The following GRK2 variants were observed in gnomAD, a reference collection of about 807,000 sequenced individuals.
GRK2 encodes the protein adrenergic beta receptor kinase 1.
GRK2 carries 23 observed loss-of-function variants against 97.8 expected under a neutral mutation model. The observed-to-expected ratio is 0.24, with a 90% confidence interval of 0.17 to 0.33. GRK2 has a LOEUF of 0.33. GRK2 is among the 10% of genes least tolerant of loss of function. The pLI is 1.00. For missense variants in GRK2, 633 were observed against 956.9 expected (o/e 0.66, Z 4.47); for synonymous variants, 425 against 381.7 (o/e 1.11, Z -1.32).
At chr11:67,273,794 C>T (rs1194073628) in intron 1 of GRK2, among the ~76,000 whole-genome samples, 1 of 152,078 alleles carries the variant, frequency 6.6e-6, no homozygotes, top group African/African-American at 2.4e-5. Context: ...GAGAGATGGC[C>T]TCAGAGCCCC....
intron 1 of GRK2, 105 bp from the exon 2 acceptor site, chr11:67,277,166 TG>T: frequency 9.3e-7 from 1 of 1,073,800 alleles, no homozygotes; most frequent in Non-Finnish European, 1.4e-6. Flanking sequence ...GCCTCCTTCC[TG>T]GAGGGAGTGG....
Position 67,285,130 on chromosome 11 carries a change from A to C in GRK2, c.1847A>C (p.Glu616Ala). 1 of 1,613,608 alleles carries C rather than the reference A, an allele frequency of 6.2e-7. No homozygotes were observed. Among genetic ancestry groups the C allele is most frequent in the Non-Finnish European group, 8.5e-7 (1 of 1,179,956 alleles). Residue 616 changes from glutamate to alanine, a missense_variant, in exon 20 of 21, where the codon GAG (glutamate) becomes GCG (alanine). This residue lies in a region of GRK2 where 180 missense variants were observed against 311.3 expected (regional missense o/e 0.58). Transcript: ENST00000308595. Reference protein sequence around the residue: ...IQSVEETQIKERKCLLLKIRG... With the variant: ...IQSVEETQIKARKCLLLKIRG... Reference sequence around the variant, plus strand: ...TCGGTGGAGGAGACGCAGATCAAGGAGCGCAAGTGCCTGCTCCTCAAGATC... The same window carrying C: ...TCGGTGGAGGAGACGCAGATCAAGGCGCGCAAGTGCCTGCTCCTCAAGATC...
chr11:67,280,544 C>T (rs1860125923), intron 6 of GRK2, 188 bp from the exon 7 acceptor site: 2 of 686,588 alleles, frequency 2.9e-6, no homozygotes, highest in African/African-American at 1.8e-5. Context: ...ACCCAAGCAG[C>T]CCTGACTGGT....
In GRK2 at chr11:67,280,071, G is replaced by T. The variant is rs558269959; in HGVS notation, c.503+171G>T. 13 of 662,038 alleles carry T rather than the reference G, an allele frequency of 2.0e-5. No individual in the cohort carries two copies. The South Asian group carries it at 2.3e-4, about 12-fold the overall frequency. The allele number at this position is 662,038 out of a possible 1,614,324, so 41.0% of individuals were successfully genotyped here. On this transcript the variant is annotated intron_variant, in intron 6 of 20. Transcript: ENST00000308595. ...TCCTGAGAAGTCAGACAGGCTGCAG[G>T]TCATCTCCCACCCTGCCCTCCTCAG...
At chr11:67,266,842 C>T (rs1326521618) in intron 1 of GRK2, 30 bp downstream of exon 1, 3 of 1,140,310 alleles carry the variant, frequency 2.6e-6, no homozygotes, top group Non-Finnish European at 3.3e-6. Context: ...GGCCCCGGCC[C>T]GACCCCGCGG....
intron 1 of GRK2, among the ~76,000 whole-genome samples, chr11:67,268,243 C>A (rs1396504133): frequency 6.6e-6 from 1 of 152,202 alleles, no homozygotes; most frequent in African/African-American, 2.4e-5. Context: ...TGCCCCATGC[C>A]CATGGCCCTC....
In GRK2 at chr11:67,283,851, CA is replaced by C. The variant is rs768478298; in HGVS notation, c.1396-2del. On this transcript the variant is annotated splice_acceptor_variant, in intron 16 of 20. Coordinates refer to ENST00000308595, the MANE Select transcript of GRK2 (RefSeq NM_001619.5). LOFTEE classifies it high-confidence loss of function. ...AATGCCCATGACCCCTGTTCTGCTG[CA>C]GTACCCTCCCCCGCTGATCCCCCCA... 6.2e-7 allele frequency: 1 copy of C among 1,612,864 alleles called. No homozygotes were observed. Among genetic ancestry groups the C allele is most frequent in the Non-Finnish European group, 8.5e-7 (1 of 1,179,636 alleles).
chr11:67,267,896 G>A (rs950804117), intron 1 of GRK2, among the ~76,000 whole-genome samples: 28 of 152,222 alleles, frequency 1.8e-4, no homozygotes, highest in Non-Finnish European at 3.2e-4. Context: ...GTGGCACCTG[G>A]CCAACAGATC....
rs1164137772 is a variant in GRK2 at position 67,283,017 on chromosome 11, G to T, written c.1228-111G>T. 6.5e-6 allele frequency: 8 copies of T among 1,228,866 alleles called. No homozygotes were observed. In the Admixed American group the frequency reaches 1.4e-4, roughly 21 times the overall value. The allele number at this position is 1,228,866 out of a possible 1,614,324, so 76.1% of individuals were successfully genotyped here. On this transcript the variant is annotated intron_variant, in intron 14 of 20. Transcript: ENST00000308595. ...GCATGACTGCTGGGCGAGCTAGGAT[G>T]CTGTGCCCCATCTGTCCCTCTGCGG...
In GRK2 at chr11:67,285,207, AG is replaced by A; in HGVS notation, c.1905+22del. On this transcript the variant is annotated intron_variant, in intron 20 of 20. Coordinates refer to ENST00000308595, the MANE Select transcript of GRK2 (RefSeq NM_001619.5). Reference sequence around the variant, plus strand: ...GTGCGATGTGAGTGGGGGCTGAGCCAGGGATGGGAGGGCCGAGGGGCCAGGC... The same window carrying A: ...GTGCGATGTGAGTGGGGGCTGAGCCAGGATGGGAGGGCCGAGGGGCCAGGC... The A allele has an allele frequency of 6.2e-7, 1 of 1,612,916 alleles. No homozygotes were observed. The highest frequency in any genetic ancestry group is 1.7e-5 in the Admixed American group (1 of 60,010).
Position 67,281,583 on chromosome 11 carries a change from G to A in GRK2, c.747+25G>A, listed in dbSNP as rs374189744. On this transcript the variant is annotated intron_variant, in intron 9 of 20. Transcript: ENST00000308595. This position sits in a 1 kb window ranked among gnomAD's most constrained non-coding sequence, Gnocchi z 5.7. ...GGTGAGCTGGGTGGGCCGGGCTGCC[G>A]CTGAGGCTCTGGAACCCCGGGCGCC... is the stretch of plus-strand genomic sequence containing the variant. 6.2e-6 allele frequency: 10 copies of A among 1,611,704 alleles called. No homozygotes were observed. The highest frequency in any genetic ancestry group is 2.2e-5 in the East Asian group (1 of 44,846).
chr11:67,285,427 C>A lies in GRK2; in HGVS notation c.2047C>A (p.Arg683Ser). 2 of 1,582,736 alleles carry A rather than the reference C, an allele frequency of 1.3e-6. No homozygotes were observed. The highest frequency in any genetic ancestry group is 1.1e-5 in the South Asian group (1 of 88,332). The change falls in exon 21 of 21, where the codon CGC becomes AGC. Residue 683 changes from arginine (R) to serine (S), a missense_variant. By Grantham distance (110) the Arg-to-Ser change is moderately radical. Transcript: ENST00000308595. The part of the protein sequence containing the change: ...VELSKVPLVQ[R>S]GSANGL ...GCTGAGCAAGGTGCCGCTGGTCCAG[C>A]GCGGCAGTGCCAACGGCCTCTGACC...
At chr11:67,266,859 C>G (rs1335471755) in intron 1 of GRK2, 47 bp downstream of exon 1, 13 of 1,003,760 alleles carry the variant, frequency 1.3e-5, no homozygotes, top group Non-Finnish European at 1.5e-5. Context: ...GCGGGCGCCC[C>G]GGCCGCGGCC....
At chr11:67,280,641 C>T (rs1224085968) in intron 6 of GRK2, 91 bp from the exon 7 acceptor site, 7 of 1,451,182 alleles carry the variant, frequency 4.8e-6, no homozygotes, top group Non-Finnish European at 6.8e-6. Flanking sequence ...TCACGGGACC[C>T]CAGGGAGTGG....
At chr11:67,278,846 G>A (rs191041591) in intron 2 of GRK2, among the ~76,000 whole-genome samples, 1 of 152,174 alleles carries the variant, frequency 6.6e-6, no homozygotes, top group Non-Finnish European at 1.5e-5. Flanking sequence ...CAGAGCAGGC[G>A]CAGGGCCCTG....
chr11:67,284,692 G>A, intron 18 of GRK2, 155 bp from the exon 19 acceptor site: 6 of 1,042,178 alleles, frequency 5.8e-6, no homozygotes, highest in Non-Finnish European at 6.8e-6. Context: ...GGGAGGCTGA[G>A]GCGGGAGGAT....
At chr11:67,278,577 G>T (rs1470548817) in intron 2 of GRK2, among the ~76,000 whole-genome samples, 1 of 152,198 alleles carries the variant, frequency 6.6e-6, no homozygotes. Context: ...GCCACAGACA[G>T]TGTGTCTGAC....
chr11:67,285,475 C>T lies in GRK2; in HGVS notation c.*25C>T, dbSNP rs1403078094. 2.0e-6 allele frequency: 3 copies of T among 1,511,226 alleles called. No homozygotes were observed. The highest frequency in any genetic ancestry group is 2.6e-6 in the Non-Finnish European group (3 of 1,132,702). 93.6% of individuals were successfully genotyped at this position (1,511,226 alleles called of 1,614,324 possible). ...ACCCGCCCACCCGCCTTTTATAAAC[C>T]TCTAATTTATTTTGTCGAATTTTTA... On this transcript the variant is annotated 3_prime_UTR_variant, in exon 21 of 21. Transcript: ENST00000308595.
rs1388193021 is a variant in GRK2, at chr11:67,285,582, C to A, written c.*132C>A. On this transcript the variant is annotated 3_prime_UTR_variant, in exon 21 of 21. Coordinates refer to ENST00000308595, the MANE Select transcript of GRK2 (RefSeq NM_001619.5). ...CGTGGCCCCAGCCTGGCCCAGCTCC[C>A]CCGGGAGGGGCCCGCTTGCCTCGGC... 1.6e-6 allele frequency: 2 copies of A among 1,215,524 alleles called. No individual in the cohort carries two copies. Among genetic ancestry groups the A allele is most frequent in the Non-Finnish European group, 2.2e-6 (2 of 910,276 alleles). The allele number at this position is 1,215,524 out of a possible 1,614,324, so 75.3% of individuals were successfully genotyped here.
Sources: allele counts gnomAD v4.1 joint callset (sites outside exome capture counted in the v4.1 genomes callset), GRCh38; gene constraint gnomAD v4.1.1; regional missense constraint gnomAD v4.1.1; non-coding constraint Gnocchi (gnomAD v3.1); transcripts MANE v1.5; gene names NCBI Gene and HGNC (gene_info 2026-07-23, HGNC 2026-07-21).